The following TSPYL2 variants were observed in gnomAD, a reference collection of about 807,000 sequenced individuals.
TSPYL2 encodes TSPY like 2.
TSPYL2 carries 9 observed loss-of-function variants against 33.0 expected under a neutral mutation model. The ratio of observed to expected loss-of-function variants is 0.27; its 90% confidence interval spans 0.16 to 0.48. The LOEUF (loss-of-function observed/expected upper bound fraction) is 0.48, where lower values mean the gene tolerates loss of function less well. Among genes scored for constraint, TSPYL2 ranks in the 20% least tolerant of loss-of-function variants. The pLI is 0.99. For synonymous variants in TSPYL2, 330 were observed against 233.6 expected (o/e 1.41, Z -3.77); for missense variants, 636 against 586.2 (o/e 1.08, Z -0.88).
chrX:53,085,766 C>T lies in TSPYL2; in HGVS notation c.1374C>T (p.Thr458=). The part of the protein sequence containing the change: ...HDIKISDFME[T]TDYFETTDNE... ...TCAAGATCTCTGACTTCATGGAGAC[C>T]ACCGACTACTTCGAGACCACTGACA... The change falls in exon 6 of 7, where the codon ACC becomes ACT. Residue 458 remains threonine (T), a synonymous_variant. Coordinates refer to ENST00000375442, the MANE Select transcript of TSPYL2 (RefSeq NM_022117.4). 1 of 1,211,399 alleles carries T rather than the reference C, an allele frequency of 8.3e-7. No individual in the cohort carries two copies. Among genetic ancestry groups the T allele is most frequent in the Non-Finnish European group, 1.1e-6 (1 of 895,432 alleles).
chrX:53,085,547 C>T (rs782711754), intron 5 of TSPYL2, 84 bp from the exon 6 acceptor site: 12 of 1,015,885 alleles, frequency 1.2e-5, no homozygotes, highest in Non-Finnish European at 1.6e-5. Context: ...TAGCCTACTG[C>T]TTCCCCAGTT....
At position 53,083,031 on chromosome X, in the gene TSPYL2, A is replaced by T; in HGVS notation, c.533A>T (p.Asp178Val). The change falls in exon 1 of 7, where the codon GAT becomes GTT. Residue 178 changes from aspartate to valine, a missense_variant. By Grantham distance (152) the Asp-to-Val change is radical (BLOSUM62 -3). Around this residue, in one of 3 missense-constraint regions of TSPYL2, gnomAD observed 231 missense variants for 201.6 expected, o/e 1.15. Transcript: ENST00000375442. ...ATCATAGTGGAGGATGAGGATGAGG[A>T]TGAGCGGGAGAGTATGAGGAGCAGC... ...AIIIVEDEDE[D>V]ERESMRSSRR... is the part of the protein sequence containing the mutation. The T allele has an allele frequency of 8.3e-7, 1 of 1,207,450 alleles. No individual in the cohort carries two copies. Among genetic ancestry groups the T allele is most frequent in the South Asian group, 1.8e-5 (1 of 56,450 alleles).
chrX:53,084,778 C>T lies in TSPYL2; in HGVS notation c.909C>T (p.Ser303=). The change falls in exon 3 of 7, where the codon TCC becomes TCT. Residue 303 remains serine, a synonymous_variant. Transcript: ENST00000375442. ...AGGTACAGGATCTCAGACATATCTC[C>T]ATGGGCTACAAAATGAAGCTGTACT... ...NLQVQDLRHI[S]MGYKMKLYFQ... 2 of 1,210,723 alleles carry T rather than the reference C, an allele frequency of 1.7e-6. No individual in the cohort carries two copies. Among genetic ancestry groups the T allele is most frequent in the Non-Finnish European group, 2.2e-6 (2 of 894,915 alleles).
chrX:53,088,061 A>G lies in TSPYL2; in HGVS notation c.*122A>G, dbSNP rs1430825694. ...TTCTGGGGGGTGACCGACTTCGTAC[A>G]CGGGTTTAAAGTTTATTTTTATGGT... On this transcript the variant is annotated 3_prime_UTR_variant, in exon 7 of 7. Coordinates refer to ENST00000375442, the MANE Select transcript of TSPYL2 (RefSeq NM_022117.4). 1.6e-6 allele frequency: 1 copy of G among 631,072 alleles called. No individual in the cohort carries two copies. The highest frequency in any genetic ancestry group is 2.4e-6 in the Non-Finnish European group (1 of 411,633). The allele number at this position is 631,072 out of a possible 1,213,427, so 52.0% of individuals were successfully genotyped here. A position where few individuals can be genotyped will look rare whatever the true frequency, so the allele number is the denominator to read the frequency against.
chrX:53,083,728 A>T (rs781890618), intron 1 of TSPYL2, among the ~76,000 whole-genome samples: 1 of 111,098 alleles, frequency 9.0e-6, no homozygotes, highest in Admixed American at 9.5e-5. Flanking sequence ...GGAATGGCAC[A>T]CAGCAGAGAA....
At chrX:53,084,456 C>G in intron 1 of TSPYL2, 89 bp from the exon 2 acceptor site, 1 of 801,832 alleles carries the variant, frequency 1.2e-6, no homozygotes, top group Non-Finnish European at 1.8e-6. Context: ...TCCTCATGCT[C>G]CAGCCTCTCT....
Position 53,085,033 on chromosome X carries a change from T to C in TSPYL2, c.1077T>C (p.Asp359=), listed in dbSNP as rs1191893187. 4.1e-6 allele frequency: 5 copies of C among 1,210,241 alleles called. No homozygotes were observed. Among genetic ancestry groups the C allele is most frequent in the Non-Finnish European group, 5.6e-6 (5 of 895,205 alleles). Residue 359 remains aspartate, a synonymous_variant, in exon 4 of 7, where the codon GAT becomes GAC. Coordinates refer to ENST00000375442, the MANE Select transcript of TSPYL2 (RefSeq NM_022117.4). ...EPQARRHGNQ[D]ASHSFFSWFS... ...AGGCCCGTCGTCACGGGAACCAGGA[T>C]GCGAGCCACAGCTTTTTCAGCTGGT...
At chrX:53,084,427 C>T (rs1932707809) in intron 1 of TSPYL2, 118 bp from the exon 2 acceptor site, 1 of 610,682 alleles carries the variant, frequency 1.6e-6, no homozygotes, top group Non-Finnish European at 2.6e-6. Context: ...TTATACACAC[C>T]ACATAAGCAC....
At position 53,087,808 on chromosome X, in the gene TSPYL2, G is replaced by C. The variant is rs1556809163; in HGVS notation, c.1951G>C (p.Gly651Arg). 4 of 1,211,456 alleles carry C rather than the reference G, an allele frequency of 3.3e-6. No homozygotes were observed. The highest frequency in any genetic ancestry group is 4.5e-6 in the Non-Finnish European group (4 of 895,139). ...GCAAGATGAGGACATCTATGAGGAA[G>C]GAAACTATGAGGAGGAAGGAAGTGA... The part of the protein sequence containing the change: ...IQQDEDIYEE[G>R]NYEEEGSEDV... Residue 651 changes from glycine to arginine, a missense_variant, in exon 7 of 7, where the codon GGA (glycine) becomes CGA (arginine). By Grantham distance (125) the Gly-to-Arg change is moderately radical. Around this residue, in one of 3 missense-constraint regions of TSPYL2, gnomAD observed 401 missense variants for 363.0 expected, o/e 1.10. Transcript: ENST00000375442.
chrX:53,083,550 G>A (rs1239251026), intron 1 of TSPYL2, among the ~76,000 whole-genome samples: 1 of 107,213 alleles, frequency 9.3e-6, no homozygotes, highest in Non-Finnish European at 1.9e-5. Flanking sequence ...ACCACAGATG[G>A]GAAAGGGGGA....
intron 1 of TSPYL2, 82 bp downstream of exon 1, chrX:53,083,387 C>T (rs1932675958): frequency 4.2e-6 from 4 of 957,649 alleles, no homozygotes; most frequent in African/African-American, 2.0e-5. Flanking sequence ...AAAGGTAAAG[C>T]GGGTGGAGGA....
Position 53,085,960 on chromosome X carries a change from A to G in TSPYL2, c.1568A>G (p.Lys523Arg). Residue 523 changes from lysine (K) to arginine (R), a missense_variant, in exon 6 of 7, where the codon AAG becomes AGG. This residue lies in a region of TSPYL2 where 401 missense variants were observed against 363.0 expected (regional missense o/e 1.10). Transcript: ENST00000375442. Reference sequence around the variant, plus strand: ...AACGAGAATCCTGAAGACAATAACAAGAACACTGATGACAACGAAGAGAAC... The same window carrying G: ...AACGAGAATCCTGAAGACAATAACAGGAACACTGATGACAACGAAGAGAAC... ...DNNENPEDNN[K>R]NTDDNEENPN... is the part of the protein sequence containing the mutation. 8.3e-7 allele frequency: 1 copy of G among 1,204,448 alleles called. No homozygotes were observed. Among genetic ancestry groups the G allele is most frequent in the South Asian group, 1.8e-5 (1 of 55,990 alleles).
intron 1 of TSPYL2, among the ~76,000 whole-genome samples, chrX:53,083,857 G>T (rs1556807680): frequency 9.0e-6 from 1 of 111,704 alleles, no homozygotes; most frequent in African/African-American, 3.3e-5. Flanking sequence ...GGGGGCTGGA[G>T]CCCCTGAAAG....
At position 53,084,648 on chromosome X, in the gene TSPYL2, T is replaced by G. The variant is rs370834760; in HGVS notation, c.885+26T>G. On this transcript the variant is annotated intron_variant, in intron 2 of 6. Transcript: ENST00000375442. Reference sequence around the variant, plus strand: ...GTCAGGCCAGAGAGACATTTTTTAGTAGGATCGGGCACGAATCTGGTTCTT... The same window carrying G: ...GTCAGGCCAGAGAGACATTTTTTAGGAGGATCGGGCACGAATCTGGTTCTT... 30 of 1,198,407 alleles carry G rather than the reference T, an allele frequency of 2.5e-5. No homozygotes were observed. The African/African-American group carries it at 5.0e-4, about 20-fold the overall frequency.
rs782412723 is a variant in TSPYL2, at chrX:53,082,706, C to G, written c.208C>G (p.Leu70Val). ...GAGGGGGGTGGGACTGGGCCCCGCG[C>G]TGCCCCCGCCGCCTCCCTATGTCAT... ...DMRGVGLGPA[L>V]PPPPPYVILE... Residue 70 changes from leucine to valine, a missense_variant, in exon 1 of 7, where the codon CTG (leucine) becomes GTG (valine). Leu to Val is a conservative substitution (Grantham distance 32). Around this residue, in one of 3 missense-constraint regions of TSPYL2, gnomAD observed 231 missense variants for 201.6 expected, o/e 1.15. Coordinates refer to ENST00000375442, the MANE Select transcript of TSPYL2 (RefSeq NM_022117.4). The G allele has an allele frequency of 1.2e-4, 135 of 1,144,271 alleles. No individual in the cohort carries two copies. The highest frequency in any genetic ancestry group is 2.9e-4 in the South Asian group (14 of 48,092). The allele number at this position is 1,144,271 out of a possible 1,213,427, so 94.3% of individuals were successfully genotyped here. A position where few individuals can be genotyped will look rare whatever the true frequency, so the allele number is the denominator to read the frequency against.
rs369016861 is a variant in TSPYL2 at position 53,087,864 on chromosome X, C to G, written c.2007C>G (p.Asp669Glu). Residue 669 changes from aspartate (D) to glutamate (E), a missense_variant, in exon 7 of 7, where the codon GAC becomes GAG. Transcript: ENST00000375442. Reference protein sequence around the residue: ...EDVWEEGEDSDDSDLEDVLQV... With the variant: ...EDVWEEGEDSEDSDLEDVLQV... ...TCTGGGAAGAAGGGGAAGATTCGGA[C>G]GACTCTGACCTAGAGGATGTGCTTC... 4.1e-5 allele frequency: 50 copies of G among 1,210,071 alleles called. No individual in the cohort carries two copies. The highest frequency in any genetic ancestry group is 5.4e-5 in the Non-Finnish European group (48 of 894,984).
Position 53,085,868 on chromosome X carries a change from C to T in TSPYL2, c.1476C>T (p.Thr492=), listed in dbSNP as rs1556808450. ...PDHNEVPNNE[T]TDNNESADDH... is the part of the protein sequence containing the mutation. ...ACAATGAGGTCCCCAACAACGAGAC[C>T]ACTGATAACAACGAGAGTGCTGATG... is the stretch of plus-strand genomic sequence containing the variant. The change falls in exon 6 of 7, where the codon ACC becomes ACT. Residue 492 remains threonine (T), a synonymous_variant. Transcript: ENST00000375442. 8.3e-7 allele frequency: 1 copy of T among 1,211,461 alleles called. No individual in the cohort carries two copies. Among genetic ancestry groups the T allele is most frequent in the South Asian group, 1.8e-5 (1 of 56,926 alleles).
chrX:53,084,939 C>T lies in TSPYL2; in HGVS notation c.998-15C>T, dbSNP rs1242816019. ...CCTTGTTTTGTCCCATCTCCATAGC[C>T]TTCTCTCTCCCTAGGCCGGCTGGTG... On this transcript the variant is annotated splice_polypyrimidine_tract_variant and intron_variant, in intron 3 of 6. Transcript: ENST00000375442. 3 of 1,208,743 alleles carry T rather than the reference C, an allele frequency of 2.5e-6. No individual in the cohort carries two copies. In the African/African-American group the frequency reaches 5.2e-5, roughly 21 times the overall value.
chrX:53,088,060 C>T lies in TSPYL2; in HGVS notation c.*121C>T, dbSNP rs1932791905. On this transcript the variant is annotated 3_prime_UTR_variant, in exon 7 of 7. Coordinates refer to ENST00000375442, the MANE Select transcript of TSPYL2 (RefSeq NM_022117.4). ...CTTCTGGGGGGTGACCGACTTCGTA[C>T]ACGGGTTTAAAGTTTATTTTTATGG... is the stretch of plus-strand genomic sequence containing the variant. 1 of 642,029 alleles carries T rather than the reference C, an allele frequency of 1.6e-6. No homozygotes were observed. The highest frequency in any genetic ancestry group is 3.5e-5 in the Admixed American group (1 of 28,213). 52.9% of individuals were successfully genotyped at this position (642,029 alleles called of 1,213,427 possible).
Sources: allele counts gnomAD v4.1 joint callset (sites outside exome capture counted in the v4.1 genomes callset), GRCh38; gene constraint gnomAD v4.1.1; regional missense constraint gnomAD v4.1.1; transcripts MANE v1.5; gene names NCBI Gene and HGNC (gene_info 2026-07-23, HGNC 2026-07-21).